The following CDC25C variants were observed in gnomAD, a reference collection of about 807,000 sequenced individuals.
CDC25C encodes M-phase inducer phosphatase 3.
Under a neutral mutation model 52.5 loss-of-function variants are expected in CDC25C, and 48 were observed. The ratio of observed to expected loss-of-function variants is 0.91; its 90% CI spans 0.72 to 1.16. CDC25C has a LOEUF of 1.16. Ranked by LOEUF, CDC25C falls within the 50% of genes most tolerant of loss-of-function variation. The probability of loss-of-function intolerance (pLI) is 0.00; values close to 1 mark genes in which losing one functional copy is unlikely to be tolerated. For missense variants in CDC25C, 510 were observed against 566.1 expected (o/e 0.90, Z 1.01); for synonymous variants, 187 against 206.5 (o/e 0.91, Z 0.81).
chr5:138,286,976 T>C (rs899196996), intron 11 of CDC25C, among the ~76,000 whole-genome samples, 193 bp downstream of exon 11: 4 of 152,040 alleles, frequency 2.6e-5, no homozygotes, highest in Admixed American at 6.6e-5. Flanking sequence ...GGGAGATAGA[T>C]CTAGGAGGGA....
At chr5:138,305,922 C>T (rs924406129) in intron 7 of CDC25C, among the ~76,000 whole-genome samples, 6 of 152,122 alleles carry the variant, frequency 3.9e-5, no homozygotes. Flanking sequence ...TTGGTCCAGA[C>T]TTTTTATGGT....
intron 2 of CDC25C, 116 bp downstream of exon 2, chr5:138,330,871 A>T (rs898061270): frequency 2.8e-6 from 2 of 702,158 alleles, no homozygotes; most frequent in Non-Finnish European, 2.5e-6. Context: ...TCAAGGGCAG[A>T]GTTGAGACTT....
intron 7 of CDC25C, among the ~76,000 whole-genome samples, chr5:138,314,925 C>CTTTTTTTT (rs35443317): frequency 2.2e-5 from 2 of 90,846 alleles, no homozygotes; most frequent in Non-Finnish European, 4.4e-5. Flanking sequence ...CCAGCCAGCA[C>CTTTTTTTT]TTTTTTTTTT....
chr5:138,309,715 A>ATT (rs56020082), intron 7 of CDC25C, among the ~76,000 whole-genome samples: 26,706 of 132,878 alleles, frequency 0.2, 4,007 homozygotes, highest in Non-Finnish European at 0.28. Context: ...GGCTCTCAAA[A>ATT]TTTTTTTTTT....
chr5:138,286,400 A>G, intron 12 of CDC25C, 97 bp downstream of exon 12: 2 of 1,320,514 alleles, frequency 1.5e-6, no homozygotes, highest in East Asian at 4.7e-5. Context: ...AACATTCTTC[A>G]AACTGTAGAA....
chr5:138,309,045 T>C (rs1580759797), intron 7 of CDC25C, among the ~76,000 whole-genome samples: 1 of 152,274 alleles, frequency 6.6e-6, no homozygotes, highest in South Asian at 2.1e-4. Context: ...GCTCTTGTTA[T>C]TGCGTGGCCC....
intron 7 of CDC25C, among the ~76,000 whole-genome samples, chr5:138,304,331 C>CTTTTTT (rs558050918): frequency 2.7e-4 from 27 of 100,900 alleles, no homozygotes; most frequent in African/African-American, 4.2e-4. Context: ...CCATGCCTGG[C>CTTTTTT]TTTTTTTTTT....
At chr5:138,315,514 A>C (rs539633353) in intron 7 of CDC25C, among the ~76,000 whole-genome samples, 1 of 152,246 alleles carries the variant, frequency 6.6e-6, no homozygotes, top group African/African-American at 2.4e-5. Flanking sequence ...ATACTTAAGG[A>C]GTACAATATA....
At chr5:138,303,491 C>T (rs1044669130) in intron 7 of CDC25C, among the ~76,000 whole-genome samples, 2 of 152,196 alleles carry the variant, frequency 1.3e-5, no homozygotes, top group African/African-American at 4.8e-5. Context: ...CTTGCTCCCT[C>T]CGCTTCAGCC....
At chr5:138,314,406 C>T (rs1191423209) in intron 7 of CDC25C, among the ~76,000 whole-genome samples, 2 of 151,520 alleles carry the variant, frequency 1.3e-5, no homozygotes, top group Admixed American at 6.6e-5. Flanking sequence ...AGTGATTCTC[C>T]TGCCTAAGCC....
intron 9 of CDC25C, 76 bp downstream of exon 9, chr5:138,290,562 AG>A: frequency 1.2e-6 from 1 of 830,276 alleles, no homozygotes; most frequent in Non-Finnish European, 2.1e-6. Flanking sequence ...TATTTACACC[AG>A]GCATTCTCGG....
At chr5:138,286,750 C>A (rs574676000) in intron 11 of CDC25C, 120 bp from the exon 12 acceptor site, 2 of 856,510 alleles carry the variant, frequency 2.3e-6, no homozygotes, top group South Asian at 3.7e-5. Flanking sequence ...ACTATAAGCA[C>A]CTTTAGGGCA....
intron 7 of CDC25C, 135 bp downstream of exon 7, chr5:138,319,084 G>A: frequency 1.4e-6 from 1 of 697,028 alleles, no homozygotes; most frequent in South Asian, 1.9e-5. Flanking sequence ...AACATGTTCT[G>A]GCTATGAGGG....
chr5:138,299,085 C>T lies in CDC25C; in HGVS notation c.616-6969G>A, dbSNP rs183807587. On this transcript the variant is annotated intron_variant, in intron 7 of 13. Transcript: ENST00000323760. ...GCGGGTGCCTGTAGTCCCAGCTACT[C>T]GGGAGGCTGAGGCAGGAGAATTGCC... Among the ~76,000 whole-genome samples the T allele has an allele frequency of 9.7e-3, 1,428 of 146,618 alleles. 12 individuals carry two copies. The highest frequency in any genetic ancestry group is 0.034 in the South Asian group (150 of 4,440).
Position 138,285,715 on chromosome 5 carries a change from G to A in CDC25C, c.1399C>T (p.Leu467=), listed in dbSNP as rs1302549930. The stretch of plus-strand genomic sequence containing the variant: ...TATCATGGGCTCATGTCCTTCACCA[G>A]AAGGGCAATCTGCTCCCGCAGCTGC... ...ERQLREQIAL[L]VKDMSP Residue 467 remains leucine, a synonymous_variant, in exon 14 of 14, where the codon CTG becomes TTG. Coordinates refer to ENST00000323760, the MANE Select transcript of CDC25C (RefSeq NM_001790.5). 6.2e-7 allele frequency: 1 copy of A among 1,614,062 alleles called. No homozygotes were observed. The highest frequency in any genetic ancestry group is 8.5e-7 in the Non-Finnish European group (1 of 1,180,046).
chr5:138,318,941 C>T (rs772279458), intron 7 of CDC25C, among the ~76,000 whole-genome samples: 7 of 152,100 alleles, frequency 4.6e-5, no homozygotes, highest in Non-Finnish European at 7.4e-5. Flanking sequence ...CTGTTTAAAC[C>T]ATGTTCAAAT....
At chr5:138,330,955 G>A in intron 2 of CDC25C, 32 bp downstream of exon 2, 1 of 1,421,522 alleles carries the variant, frequency 7.0e-7, no homozygotes, top group East Asian at 2.3e-5. Context: ...AATAGCAAAG[G>A]CAATACAGTG....
At chr5:138,303,066 C>T (rs1757753621) in intron 7 of CDC25C, among the ~76,000 whole-genome samples, 1 of 152,152 alleles carries the variant, frequency 6.6e-6, no homozygotes, top group South Asian at 2.1e-4. Flanking sequence ...GAGACCATGT[C>T]TCTTTAAAAA....
At position 138,287,270 on chromosome 5, in the gene CDC25C, G is replaced by A. The variant is rs774690554; in HGVS notation, c.928-3C>T. 3.1e-6 allele frequency: 5 copies of A among 1,608,076 alleles called. No individual in the cohort carries two copies. Among genetic ancestry groups the A allele is most frequent in the Non-Finnish European group, 4.3e-6 (5 of 1,174,630 alleles). On this transcript the variant is annotated splice_region_variant and splice_polypyrimidine_tract_variant and intron_variant, in intron 10 of 13. Coordinates refer to ENST00000323760, the MANE Select transcript of CDC25C (RefSeq NM_001790.5). The stretch of plus-strand genomic sequence containing the variant: ...TTCCCCGACAGTAAGGCAGCCACCT[G>A]GACAGAAACAATGACTGAATATTCT...
Sources: allele counts gnomAD v4.1 joint callset (sites outside exome capture counted in the v4.1 genomes callset), GRCh38; gene constraint gnomAD v4.1.1; transcripts MANE v1.5; gene names NCBI Gene and HGNC (gene_info 2026-07-23, HGNC 2026-07-21).